The following NRXN1 variants were observed in gnomAD, a reference collection of about 807,000 sequenced individuals.
NRXN1 encodes the protein neurexin 1.
Under a neutral mutation model 150.9 loss-of-function variants are expected in NRXN1, and 39 were observed. The observed-to-expected ratio is 0.26, with a 90% CI of 0.20 to 0.34. The LOEUF (loss-of-function observed/expected upper bound fraction) is 0.34. Ranked by LOEUF, NRXN1 falls within the 10% of genes least tolerant of loss-of-function variation. The pLI is 1.00. For synonymous variants in NRXN1, 924 were observed against 757.0 expected (o/e 1.22, Z -3.62); for missense variants, 1,815 against 1,949.9 (o/e 0.93, Z 1.30).
chr2:50,481,911 G>A (rs1454241041), intron 15 of NRXN1, among the ~76,000 whole-genome samples: 2 of 143,918 alleles, frequency 1.4e-5, no homozygotes, highest in Non-Finnish European at 3.0e-5. Context: ...GACTACAGGC[G>A]CCCGCCACTA....
At chr2:50,940,804 T>C (rs1449023294) in intron 2 of NRXN1, among the ~76,000 whole-genome samples, 1 of 152,180 alleles carries the variant, frequency 6.6e-6, no homozygotes, top group Non-Finnish European at 1.5e-5. Flanking sequence ...TAATCAAAAG[T>C]AGCCAATTAA....
At chr2:50,072,650 A>G (rs1280687747) in intron 19 of NRXN1, among the ~76,000 whole-genome samples, 1 of 149,716 alleles carries the variant, frequency 6.7e-6, no homozygotes, top group Non-Finnish European at 1.5e-5. Context: ...TGGAATGTTT[A>G]TCTTCTACTC....
intron 17 of NRXN1, among the ~76,000 whole-genome samples, chr2:50,366,837 G>T (rs1234402768): frequency 6.6e-6 from 1 of 151,906 alleles, no homozygotes; most frequent in Non-Finnish European, 1.5e-5. Flanking sequence ...AATGTTTGAG[G>T]TCTCCCTGCA....
At chr2:50,528,753 T>A (rs1327914649) in intron 11 of NRXN1, 102 bp from the exon 12 acceptor site, 1 of 678,378 alleles carries the variant, frequency 1.5e-6, no homozygotes, top group Admixed American at 2.8e-5. Context: ...GACAGACACA[T>A]GCAAATATGG....
At chr2:50,261,188 A>C (rs917843306) in intron 17 of NRXN1, among the ~76,000 whole-genome samples, 3 of 151,810 alleles carry the variant, frequency 2.0e-5, no homozygotes, top group African/African-American at 7.2e-5. Flanking sequence ...TGAAGCCCCG[A>C]GGAATATAGA....
At chr2:50,254,313 A>G (rs374266071) in intron 17 of NRXN1, among the ~76,000 whole-genome samples, 4 of 117,686 alleles carry the variant, frequency 3.4e-5, no homozygotes, top group Admixed American at 3.3e-4. Context: ...CTTTTTTTTT[A>G]TTAGTCTAGC....
intron 17 of NRXN1, among the ~76,000 whole-genome samples, chr2:50,393,128 A>G (rs922723903): frequency 5.9e-5 from 9 of 151,562 alleles, no homozygotes; most frequent in Admixed American, 3.9e-4. Flanking sequence ...GATGTTATCA[A>G]TTTCTAGGTA....
In NRXN1 at chr2:50,046,071, T is replaced by A. The variant is rs531909877; in HGVS notation, c.4128+7200A>T. Among the ~76,000 whole-genome samples the A allele has an allele frequency of 2.7e-4, 41 of 152,344 alleles. No individual in the cohort carries two copies. In the South Asian group the frequency reaches 7.7e-3, roughly 28 times the overall value. Reference sequence around the variant, plus strand: ...ATCACACCATGAATTACCTTCTGTGTGTGACAACTGGGGAACAGACACAAG... The same window carrying A: ...ATCACACCATGAATTACCTTCTGTGAGTGACAACTGGGGAACAGACACAAG... On this transcript the variant is annotated intron_variant, in intron 21 of 22. Coordinates refer to ENST00000401669, the MANE Select transcript of NRXN1 (RefSeq NM_001330078.2).
chr2:50,471,794 C>T (rs2089492357), intron 16 of NRXN1, among the ~76,000 whole-genome samples: 1 of 151,716 alleles, frequency 6.6e-6, no homozygotes, highest in South Asian at 2.1e-4. Context: ...AGGCTTAATA[C>T]TTGAGTGGCA....
At chr2:50,671,189 C>T (rs999795883) in intron 5 of NRXN1, among the ~76,000 whole-genome samples, 16 of 151,712 alleles carry the variant, frequency 1.1e-4, no homozygotes, top group Admixed American at 4.6e-4. Context: ...ACAATGCAAA[C>T]AAATGTTAGA....
intron 5 of NRXN1, among the ~76,000 whole-genome samples, chr2:50,805,515 A>T (rs1667399626): frequency 6.6e-6 from 1 of 151,808 alleles, no homozygotes; most frequent in Admixed American, 6.6e-5. Flanking sequence ...AATTAGCTAG[A>T]TGTGATCCCA....
At chr2:50,510,569 G>C (rs1463358211) in intron 12 of NRXN1, among the ~76,000 whole-genome samples, 2 of 140,392 alleles carry the variant, frequency 1.4e-5, no homozygotes, top group Non-Finnish European at 3.1e-5. Flanking sequence ...TCTATTAAAA[G>C]ACATCATTCC....
intron 5 of NRXN1, among the ~76,000 whole-genome samples, chr2:50,661,182 A>G (rs1310718321): frequency 2.0e-5 from 3 of 152,058 alleles, no homozygotes; most frequent in Non-Finnish European, 4.4e-5. Flanking sequence ...AGCTTCTCAC[A>G]GCAAATGGTG....
chr2:50,770,360 A>AT (rs763187292), intron 5 of NRXN1, among the ~76,000 whole-genome samples: 19 of 151,746 alleles, frequency 1.3e-4, no homozygotes, highest in East Asian at 9.7e-4. Context: ...TGATAGATAG[A>AT]TTTTTTCCCC....
chr2:49,950,174 C>A (rs1430528238), intron 21 of NRXN1, among the ~76,000 whole-genome samples: 1 of 151,842 alleles, frequency 6.6e-6, no homozygotes, highest in Non-Finnish European at 1.5e-5. Flanking sequence ...ATATGATTCC[C>A]AAATTGCGGT....
rs78191870 is a variant in NRXN1, at chr2:50,831,763, G to C, written c.832+90106C>G. On this transcript the variant is annotated intron_variant, in intron 5 of 22. Coordinates refer to ENST00000401669, the MANE Select transcript of NRXN1 (RefSeq NM_001330078.2). ...GAGAGCATTCTCCGGAATATGAATA[G>C]AACTGGTGGCAGACTATTCATGTCA... is the stretch of plus-strand genomic sequence containing the variant. Among the ~76,000 whole-genome samples the C allele has an allele frequency of 7.3e-3, 1,116 of 152,270 alleles. 9 individuals carry two copies. The highest frequency in any genetic ancestry group is 0.025 in the African/African-American group (1,056 of 41,554).
At position 50,053,203 on chromosome 2, in the gene NRXN1, T is replaced by C. The variant is rs527498125; in HGVS notation, c.4128+68A>G. The C allele has an allele frequency of 1.3e-5, 19 of 1,517,680 alleles. No homozygotes were observed. The African/African-American group carries it at 1.4e-4, about 11-fold the overall frequency. The allele number at this position is 1,517,680 out of a possible 1,614,324, so 94.0% of individuals were successfully genotyped here. A position where few individuals can be genotyped will look rare whatever the true frequency, so the allele number is the denominator to read the frequency against. The stretch of plus-strand genomic sequence containing the variant: ...AATGTTCCAATTTAGAAAAGACGCA[T>C]ATGCAGAAAAGCCCACTATCATAAA... On this transcript the variant is annotated intron_variant, in intron 21 of 22. Coordinates refer to ENST00000401669, the MANE Select transcript of NRXN1 (RefSeq NM_001330078.2).
At chr2:50,711,631 TG>T (rs1695172648) in intron 5 of NRXN1, among the ~76,000 whole-genome samples, 1 of 151,990 alleles carries the variant, frequency 6.6e-6, no homozygotes, top group Non-Finnish European at 1.5e-5. Flanking sequence ...CCACCGCACC[TG>T]GGCTCAGGTA....
Position 50,347,629 on chromosome 2 carries a change from G to T in NRXN1, c.3365-110659C>A. On this transcript the variant is annotated intron_variant, in intron 17 of 22. Transcript: ENST00000401669. The surrounding 1 kb of genome is among the most constrained non-coding windows in gnomAD (Gnocchi z 4.9). Reference sequence around the variant, plus strand: ...CTCCTGACACTTACGCCCGGCGAGGGGTTCAGAGGGAAGAGTGCGCCCTTC... The same window carrying T: ...CTCCTGACACTTACGCCCGGCGAGGTGTTCAGAGGGAAGAGTGCGCCCTTC... 1.0e-6 allele frequency: 1 copy of T among 1,000,152 alleles called. No homozygotes were observed. Among genetic ancestry groups the T allele is most frequent in the Non-Finnish European group, 1.2e-6 (1 of 839,034 alleles). The allele number at this position is 1,000,152 out of a possible 1,614,324, so 62.0% of individuals were successfully genotyped here. A position where few individuals can be genotyped will look rare whatever the true frequency, so the allele number is the denominator to read the frequency against.
Sources: allele counts gnomAD v4.1 joint callset (sites outside exome capture counted in the v4.1 genomes callset), GRCh38; gene constraint gnomAD v4.1.1; non-coding constraint Gnocchi (gnomAD v3.1); transcripts MANE v1.5; gene names NCBI Gene and HGNC (gene_info 2026-07-23, HGNC 2026-07-21).